Variants in ZNF438 observed in about 807,000 individuals in gnomAD.
The protein encoded by ZNF438 is zinc finger protein 438.
ZNF438 carries 25 observed loss-of-function variants against 38.0 expected under a neutral mutation model. The observed-to-expected ratio is 0.66, with a 90% CI of 0.48 to 0.92. The LOEUF (loss-of-function observed/expected upper bound fraction) is 0.92, where lower values mean the gene tolerates loss of function less well. Among genes scored for constraint, ZNF438 ranks in the 40% least tolerant of loss-of-function variants. ZNF438 has a pLI of 0.00. For missense variants in ZNF438, 1,007 were observed against 999.6 expected (o/e 1.01, Z -0.10); for synonymous variants, 372 against 364.1 (o/e 1.02, Z -0.25).
chr10:30,980,046 G>GAGAAGCTAGC (rs770955486), intron 1 of ZNF438, among the ~76,000 whole-genome samples: 75 of 152,266 alleles, frequency 4.9e-4, no homozygotes, highest in Non-Finnish European at 8.7e-4. Context: ...ACGGAACCAG[G>GAGAAGCTAGC]AGAAGCTAGC....
At chr10:30,910,802 T>C (rs2043005396) in intron 2 of ZNF438, among the ~76,000 whole-genome samples, 1 of 151,854 alleles carries the variant, frequency 6.6e-6, no homozygotes, top group Non-Finnish European at 1.5e-5. Context: ...CATTCTGTGG[T>C]TCCTAGGCCA....
At chr10:30,845,379 T>G (rs767002760) in exon 6 of ZNF438, 2 of 1,614,166 alleles carry the variant, frequency 1.2e-6, no homozygotes, top group Non-Finnish European at 1.7e-6. Context: ...CAACTCTTCC[T>G]GAGTCCCCTT....
intron 1 of ZNF438, among the ~76,000 whole-genome samples, chr10:30,989,747 C>T (rs2053266947): frequency 6.6e-6 from 1 of 152,178 alleles, no homozygotes; most frequent in Non-Finnish European, 1.5e-5. Flanking sequence ...AATTGTAGGA[C>T]TTTCCAGTTC....
chr10:31,004,140 T>G (rs1459353701), intron 1 of ZNF438, among the ~76,000 whole-genome samples: 2 of 152,136 alleles, frequency 1.3e-5, no homozygotes, highest in Non-Finnish European at 2.9e-5. Flanking sequence ...TAGAGGGAAC[T>G]CTATTGGCAG....
intron 1 of ZNF438, among the ~76,000 whole-genome samples, chr10:31,006,893 G>A (rs181407459): frequency 6.6e-6 from 1 of 152,122 alleles, no homozygotes; most frequent in Admixed American, 6.5e-5. Context: ...TTGGTAAGGC[G>A]GAATGAAGGT....
intron 2 of ZNF438, among the ~76,000 whole-genome samples, chr10:30,915,361 A>G (rs1405583780): frequency 1.3e-5 from 2 of 152,060 alleles, no homozygotes; most frequent in Non-Finnish European, 2.9e-5. Flanking sequence ...CCTGTGATAA[A>G]TGAAGCAATA....
chr10:31,001,096 A>G (rs1374599312), intron 1 of ZNF438, among the ~76,000 whole-genome samples: 2 of 152,148 alleles, frequency 1.3e-5, no homozygotes, highest in African/African-American at 4.8e-5. Context: ...TTACAACACG[A>G]TTACAACACT....
chr10:30,870,483 C>T (rs774154988), intron 4 of ZNF438, among the ~76,000 whole-genome samples: 1 of 151,686 alleles, frequency 6.6e-6, no homozygotes, highest in Admixed American at 6.6e-5. Flanking sequence ...TGTTTACTTA[C>T]GGTCTCCAGC....
At chr10:30,858,725 C>T (rs1329907180) in intron 4 of ZNF438, among the ~76,000 whole-genome samples, 1 of 152,180 alleles carries the variant, frequency 6.6e-6, no homozygotes, top group Non-Finnish European at 1.5e-5. Context: ...ACATTCCTAA[C>T]TGGAGATCTT....
At chr10:30,954,904 A>G (rs1028367939) in intron 1 of ZNF438, among the ~76,000 whole-genome samples, 5 of 152,224 alleles carry the variant, frequency 3.3e-5, no homozygotes, top group Non-Finnish European at 5.9e-5. Context: ...TTACAGAAAA[A>G]GGATGACTCT....
chr10:30,951,122 A>G (rs1295194575), intron 1 of ZNF438, among the ~76,000 whole-genome samples: 3 of 149,164 alleles, frequency 2.0e-5, no homozygotes, highest in African/African-American at 7.4e-5. Flanking sequence ...GTAATCCAGC[A>G]TATAAACAGA....
chr10:30,848,784 G>A (rs1214559965), exon 5 of ZNF438: 12 of 1,614,180 alleles, frequency 7.4e-6, no homozygotes, highest in South Asian at 1.1e-5. Context: ...TAGGACTTGC[G>A]ACAAATCCGA....
intron 3 of ZNF438, among the ~76,000 whole-genome samples, chr10:30,881,084 A>T (rs2039186098): frequency 6.6e-6 from 1 of 152,210 alleles, no homozygotes; most frequent in African/African-American, 2.4e-5. Context: ...AAACAAGAGA[A>T]GGATATCTAT....
chr10:30,910,257 G>C (rs1014806399), intron 2 of ZNF438: 15 of 152,190 alleles, frequency 9.9e-5, no homozygotes, highest in African/African-American at 3.4e-4. Flanking sequence ...ATTGAAGGAA[G>C]CAAGGAACCC....
At chr10:30,857,872 T>C in intron 4 of ZNF438, 1 of 715,796 alleles carries the variant, frequency 1.4e-6, no homozygotes, top group South Asian at 4.6e-5. Flanking sequence ...TTTATTAAAC[T>C]GTTTCACAAT....
At chr10:30,936,886 C>T (rs915858679) in intron 2 of ZNF438, among the ~76,000 whole-genome samples, 3 of 152,032 alleles carry the variant, frequency 2.0e-5, no homozygotes, top group African/African-American at 7.2e-5. Flanking sequence ...TTATTCTCTG[C>T]TCTCTAATTA....
At chr10:30,983,059 T>TTA (rs2052388737) in intron 1 of ZNF438, among the ~76,000 whole-genome samples, 1 of 152,182 alleles carries the variant, frequency 6.6e-6, no homozygotes, top group Non-Finnish European at 1.5e-5. Context: ...TGGACTTTTT[T>TTA]CTCTAAACAA....
chr10:30,980,473 G>T (rs1034566351), intron 1 of ZNF438, among the ~76,000 whole-genome samples: 1 of 152,108 alleles, frequency 6.6e-6, no homozygotes, highest in African/African-American at 2.4e-5. Flanking sequence ...ACTGGATGTG[G>T]GATATGGAAT....
rs58537615 is a variant in ZNF438, at chr10:30,901,833, C to T, written c.-32+7100G>A. On this transcript the variant is annotated intron_variant, in intron 3 of 5. Coordinates refer to ENST00000413025, the Ensembl canonical transcript of ZNF438. The stretch of plus-strand genomic sequence containing the variant: ...AAGGCGGTGTGTCTGGAGTTTGTTC[C>T]TTCTGATGTTCAGATGTGTTCAGAG... Among the ~76,000 whole-genome samples the T allele has an allele frequency of 5.8e-3, 890 of 152,260 alleles. 7 individuals are homozygous for T. Among genetic ancestry groups the T allele is most frequent in the African/African-American group, 0.021 (857 of 41,548 alleles).
Sources: gnomAD v4.1 joint callset for allele counts (sites outside exome capture counted in the v4.1 genomes callset) on GRCh38, gnomAD v4.1.1 for gene constraint, MANE v1.5 for transcripts, NCBI Gene and HGNC (gene_info 2026-07-23, HGNC 2026-07-21) for gene names.